RPTOR: variants seen among roughly 807,000 people sequenced by gnomAD.
RPTOR encodes regulatory-associated protein of mTOR.
Under a neutral mutation model 169.9 loss-of-function variants are expected in RPTOR, and 21 were observed. That is an observed-to-expected ratio of 0.12 (90% confidence interval 0.09 to 0.18). RPTOR has a LOEUF of 0.18. RPTOR is among the 10% of genes least tolerant of loss of function. The probability of loss-of-function intolerance (pLI) is 1.00; values close to 1 mark genes in which losing one functional copy is unlikely to be tolerated. For missense variants in RPTOR, 1,133 were observed against 1,855.9 expected, an observed-to-expected ratio of 0.61 and a Z score of 7.16; for synonymous variants, 732 against 753.2, an observed-to-expected ratio of 0.97 and a Z score of 0.46.
intron 1 of RPTOR, among the ~76,000 whole-genome samples, chr17:80,560,482 G>A (rs999525663): frequency 6.6e-6 from 1 of 152,208 alleles, no homozygotes; most frequent in Non-Finnish European, 1.5e-5. Context: ...AGTGCAGGAG[G>A]CAGGGTGTGA....
In RPTOR at chr17:80,947,476, A is replaced by G. The variant is rs2069117899; in HGVS notation, c.3265+125A>G. 2 of 1,252,858 alleles carry G rather than the reference A, an allele frequency of 1.6e-6. No homozygotes were observed. The highest frequency in any genetic ancestry group is 2.1e-6 in the Non-Finnish European group (2 of 969,258). 77.6% of individuals were successfully genotyped at this position (1,252,858 alleles called of 1,614,324 possible). On this transcript the variant is annotated intron_variant, in intron 27 of 33. Coordinates refer to ENST00000306801, the MANE Select transcript of RPTOR (RefSeq NM_020761.3). The surrounding 1 kb of genome is among the most constrained non-coding windows in gnomAD (Gnocchi z 4.4). ...AAAGCCCTGCTCACACGCGAGGGCC[A>G]CTGTCATTCAGAAGTGGGGAGGTTT... is the stretch of plus-strand genomic sequence containing the variant.
At chr17:80,643,667 A>G (rs774166794) in intron 2 of RPTOR, 61 bp from the exon 3 acceptor site, 24 of 1,243,756 alleles carry the variant, frequency 1.9e-5, no homozygotes, top group Non-Finnish European at 2.7e-5. Flanking sequence ...TGTGGAAGAG[A>G]GGCCTAGCAG....
chr17:80,963,167 G>A, intron 33 of RPTOR, 110 bp downstream of exon 33: 2 of 1,088,602 alleles, frequency 1.8e-6, no homozygotes, highest in South Asian at 1.5e-5. Flanking sequence ...ACCACAGTGG[G>A]GCCCATTGGC....
chr17:80,690,276 A>G (rs1192386910), intron 3 of RPTOR, among the ~76,000 whole-genome samples: 1 of 151,918 alleles, frequency 6.6e-6, no homozygotes, highest in Non-Finnish European at 1.5e-5. Flanking sequence ...TTCACCTGTC[A>G]ATATTTCTGA....
Position 80,846,528 on chromosome 17 carries a change from G to C in RPTOR, c.1268G>C (p.Gly423Ala), listed in dbSNP as rs751988867. ...GCATTCCAGGTGTGGCTCACCATGG[G>C]CGTGGAGAACCGAAACCCACCCGAA... ...LTAFQVWLTM[G>A]VENRNPPEQL... The change falls in exon 11 of 34, where the codon GGC becomes GCC. Residue 423 changes from glycine (G) to alanine (A), a missense_variant. By Grantham distance (60) the Gly-to-Ala change is moderately conservative. Coordinates refer to ENST00000306801, the MANE Select transcript of RPTOR (RefSeq NM_020761.3). The C allele has an allele frequency of 1.2e-6, 2 of 1,614,220 alleles. No homozygotes were observed. Among genetic ancestry groups the C allele is most frequent in the East Asian group, 4.5e-5 (2 of 44,888 alleles).
chr17:80,744,497 T>G (rs1235259326), intron 5 of RPTOR, among the ~76,000 whole-genome samples: 12 of 88,208 alleles, frequency 1.4e-4, no homozygotes, highest in East Asian at 2.8e-4. Flanking sequence ...CCCTGGCTAC[T>G]AGCACTGTCC....
intron 9 of RPTOR, among the ~76,000 whole-genome samples, chr17:80,835,080 A>ATT (rs1226593252): frequency 6.6e-6 from 1 of 152,102 alleles, no homozygotes; most frequent in Non-Finnish European, 1.5e-5. Flanking sequence ...TATGGGAGCT[A>ATT]TTTATTGCAC....
intron 3 of RPTOR, among the ~76,000 whole-genome samples, chr17:80,685,631 T>A (rs865818511): frequency 5.4e-3 from 196 of 36,574 alleles, no homozygotes; most frequent in Non-Finnish European, 6.3e-3. Flanking sequence ...ATATATATTT[T>A]TTTTTTTTTT....
chr17:80,777,448 G>C (rs551828694), intron 6 of RPTOR, among the ~76,000 whole-genome samples: 1 of 152,208 alleles, frequency 6.6e-6, no homozygotes, highest in East Asian at 1.9e-4. Flanking sequence ...CATTCCAGCC[G>C]TCCTGCTGTG....
intron 6 of RPTOR, among the ~76,000 whole-genome samples, chr17:80,765,864 C>G (rs899688302): frequency 6.6e-6 from 1 of 152,182 alleles, no homozygotes; most frequent in Non-Finnish European, 1.5e-5. Context: ...GCAAACCAGC[C>G]TAGTGGGGAG....
At chr17:80,645,063 TG>T (rs1301334207) in intron 3 of RPTOR, among the ~76,000 whole-genome samples, 1 of 152,218 alleles carries the variant, frequency 6.6e-6, no homozygotes, top group Non-Finnish European at 1.5e-5. Flanking sequence ...GCAGTGCGTT[TG>T]GGGATGGCAT....
At chr17:80,775,812 A>C (rs2066886940) in intron 6 of RPTOR, among the ~76,000 whole-genome samples, 1 of 152,232 alleles carries the variant, frequency 6.6e-6, no homozygotes, top group East Asian at 1.9e-4. Context: ...TGTTTTTGCT[A>C]TTCCATATTC....
intron 6 of RPTOR, among the ~76,000 whole-genome samples, chr17:80,782,593 C>G (rs748642423): frequency 1.3e-5 from 2 of 152,164 alleles, no homozygotes; most frequent in Admixed American, 6.5e-5. Flanking sequence ...TTCCGGGGAT[C>G]TCAGCCCCAG....
intron 1 of RPTOR, among the ~76,000 whole-genome samples, chr17:80,585,615 T>C (rs1318472968): frequency 6.6e-6 from 1 of 152,160 alleles, no homozygotes; most frequent in Non-Finnish European, 1.5e-5. Flanking sequence ...TTGCGTAGGG[T>C]GGTCCTGAGT....
chr17:80,770,366 C>T (rs1269423602), intron 6 of RPTOR, among the ~76,000 whole-genome samples: 2 of 152,138 alleles, frequency 1.3e-5, no homozygotes, highest in African/African-American at 4.8e-5. Flanking sequence ...CGTAGCAGCC[C>T]TCTGGGAAAT....
rs1202935267 is a variant in RPTOR, at chr17:80,960,688, C to T, written c.3605+483C>T. The stretch of plus-strand genomic sequence containing the variant: ...CACCCCTGTGGGCAGGTGCTGTCCG[C>T]GTCTGGCAGAGGACAGGGTACACGC... On this transcript the variant is annotated intron_variant, in intron 30 of 33. Transcript: ENST00000306801. The surrounding 1 kb of genome is among the most constrained non-coding windows in gnomAD (Gnocchi z 4.8). 9 of 186,794 alleles carry T rather than the reference C, an allele frequency of 4.8e-5. No homozygotes were observed. Among genetic ancestry groups the T allele is most frequent in the African/African-American group, 2.4e-5 (1 of 40,892 alleles). The allele number at this position is 186,794 out of a possible 1,614,324, so 11.6% of individuals were successfully genotyped here.
chr17:80,856,250 G>A (rs1258405695), intron 12 of RPTOR, among the ~76,000 whole-genome samples: 9 of 152,190 alleles, frequency 5.9e-5, no homozygotes, highest in Non-Finnish European at 1.3e-4. Context: ...TGTTATTCAA[G>A]AATCATTGTT....
At chr17:80,923,874 C>T (rs6565493) in intron 23 of RPTOR, 511,669 of 594,444 alleles carry the variant, frequency 0.86, 220,840 homozygotes, top group African/African-American at 0.9. Flanking sequence ...GCCTGCACTC[C>T]TTAGGAGCAC....
Position 80,634,255 on chromosome 17 carries a change from C to CGTGCATACCGTGTGT in RPTOR, c.265+8467_265+8481dup, listed in dbSNP as rs1567830371. ...ACTGTGTGTGCGTGCATACTGTATGCGTGCATACCGTGTGTGTGCGTACTG... is the reference window on the plus strand; with the variant it reads ...ACTGTGTGTGCGTGCATACTGTATGCGTGCATACCGTGTGTGTGCATACCGTGTGTGTGCGTACTG... On this transcript the variant is annotated intron_variant, in intron 2 of 33. Transcript: ENST00000306801. Among the ~76,000 whole-genome samples the CGTGCATACCGTGTGT allele has an allele frequency of 4.5e-4, 12 of 26,488 alleles. 1 individual carries two copies. In the East Asian group the frequency reaches 6.3e-3, roughly 14 times the overall value. The allele number at this position is 26,488 out of a possible 152,430, so 17.4% of individuals were successfully genotyped here.
Sources: gnomAD v4.1 joint callset for allele counts (sites outside exome capture counted in the v4.1 genomes callset) on GRCh38, gnomAD v4.1.1 for gene constraint, Gnocchi (gnomAD v3.1) non-coding constraint, MANE v1.5 for transcripts, NCBI Gene and HGNC (gene_info 2026-07-23, HGNC 2026-07-21) for gene names.